STARD13: variants seen among roughly 807,000 people sequenced by gnomAD.
The protein encoded by STARD13 is stAR-related lipid transfer protein 13.
In STARD13, 62 loss-of-function variants were observed where a neutral mutation model predicts 106.4. The observed-to-expected ratio is 0.58, with a 90% confidence interval of 0.48 to 0.72. The LOEUF (loss-of-function observed/expected upper bound fraction) is 0.72. Ranked by LOEUF, STARD13 falls within the 30% of genes least tolerant of loss-of-function variation. STARD13 has a pLI of 0.00. For synonymous variants in STARD13, 565 were observed against 553.0 expected (o/e 1.02, Z -0.31); for missense variants, 1,387 against 1,424.0 (o/e 0.97, Z 0.42).
intron 1 of STARD13, among the ~76,000 whole-genome samples, chr13:33,321,692 G>A (rs919879871): frequency 6.6e-6 from 1 of 152,164 alleles, no homozygotes; most frequent in Non-Finnish European, 1.5e-5. Context: ...ACAGAGCTAG[G>A]AGGTGGTAGC....
the STARD13 span, among the ~76,000 whole-genome samples, chr13:33,380,832 G>T: frequency 6.0e-4 from 92 of 152,228 alleles, 1 homozygote; most frequent in Non-Finnish European, 1.0e-3. Context: ...GGGGAAGGGG[G>T]GTGTGTTCAA....
At chr13:33,626,560 A>G in the STARD13 span, among the ~76,000 whole-genome samples, 1 of 152,250 alleles carries the variant, frequency 6.6e-6, no homozygotes, top group Admixed American at 6.5e-5. Flanking sequence ...AGCTGTTATT[A>G]CATGCATCTC....
At chr13:33,213,896 T>A (rs1403419885) in intron 1 of STARD13, among the ~76,000 whole-genome samples, 1 of 152,212 alleles carries the variant, frequency 6.6e-6, no homozygotes, top group Non-Finnish European at 1.5e-5. Flanking sequence ...CCTGCTTTAA[T>A]TAAGATGCTA....
At chr13:33,661,681 T>C in the STARD13 span, among the ~76,000 whole-genome samples, 1 of 152,204 alleles carries the variant, frequency 6.6e-6, no homozygotes, top group East Asian at 1.9e-4. Flanking sequence ...TCGTGAGAAC[T>C]CACTAATTAT....
In STARD13 at chr13:33,126,068, G is replaced by C. The variant is rs566952942; in HGVS notation, c.2082+13C>G. 1 of 1,612,916 alleles carries C rather than the reference G, an allele frequency of 6.2e-7. No homozygotes were observed. Among genetic ancestry groups the C allele is most frequent in the African/African-American group, 1.3e-5 (1 of 75,036 alleles). On this transcript the variant is annotated intron_variant, in intron 7 of 13. Coordinates refer to ENST00000336934, the MANE Select transcript of STARD13 (RefSeq NM_178006.4). ...GGGGTGGTGGGGCAGCAGCGGGGGG[G>C]TTACAGCCCTACCTGATCGAGGCAG... is the stretch of plus-strand genomic sequence containing the variant.
the STARD13 span, among the ~76,000 whole-genome samples, chr13:33,448,840 T>C: frequency 1.5e-4 from 23 of 152,196 alleles, no homozygotes; most frequent in Non-Finnish European, 2.8e-4. Flanking sequence ...TCCCCGATGA[T>C]TAAAAATGTT....
chr13:33,510,775 G>C, the STARD13 span, among the ~76,000 whole-genome samples: 240 of 152,294 alleles, frequency 1.6e-3, no homozygotes, highest in African/African-American at 5.6e-3. Flanking sequence ...TTAGTAAGCA[G>C]AGAAAATTAT....
chr13:33,475,365 T>G, the STARD13 span, among the ~76,000 whole-genome samples: 1 of 152,202 alleles, frequency 6.6e-6, no homozygotes, highest in Admixed American at 6.5e-5. Context: ...ATTAAACTAT[T>G]GATTTTCTTA....
chr13:33,376,484 C>T, the STARD13 span, among the ~76,000 whole-genome samples: 5 of 152,074 alleles, frequency 3.3e-5, no homozygotes, highest in Non-Finnish European at 7.4e-5. Flanking sequence ...AAGGATTAGC[C>T]AGGCACCTAA....
At chr13:33,471,857 A>G in the STARD13 span, among the ~76,000 whole-genome samples, 1 of 152,182 alleles carries the variant, frequency 6.6e-6, no homozygotes, top group Non-Finnish European at 1.5e-5. Context: ...TATTTCCTAG[A>G]TAGCTGAAAT....
chr13:33,252,519 A>C (rs1222997039), intron 1 of STARD13, among the ~76,000 whole-genome samples: 1 of 151,906 alleles, frequency 6.6e-6, no homozygotes, highest in South Asian at 2.1e-4. Context: ...AGCTTTGAAC[A>C]GTTCTCACTT....
At chr13:33,499,598 T>C in the STARD13 span, among the ~76,000 whole-genome samples, 7 of 57,490 alleles carry the variant, frequency 1.2e-4, no homozygotes, top group Admixed American at 5.8e-4. Context: ...CTTCTTCTTC[T>C]TCTTCTTTCT....
intron 1 of STARD13, among the ~76,000 whole-genome samples, chr13:33,184,819 C>T (rs537375206): frequency 8.3e-4 from 127 of 152,246 alleles, no homozygotes; most frequent in African/African-American, 3.0e-3. Flanking sequence ...TATTATTAAC[C>T]GAAATGAATA....
chr13:33,259,118 T>A (rs1488499099), intron 1 of STARD13, among the ~76,000 whole-genome samples: 1 of 152,084 alleles, frequency 6.6e-6, no homozygotes, highest in Non-Finnish European at 1.5e-5. Context: ...CTCCCTCCCT[T>A]CCTCCCCTGC....
chr13:33,253,364 T>C (rs1890181951), intron 1 of STARD13, among the ~76,000 whole-genome samples: 1 of 152,222 alleles, frequency 6.6e-6, no homozygotes, highest in Non-Finnish European at 1.5e-5. Flanking sequence ...TTTTAAAAGC[T>C]ACATTAAGCC....
intron 4 of STARD13, among the ~76,000 whole-genome samples, 195 bp downstream of exon 4, chr13:33,142,115 A>G (rs1402385629): frequency 6.6e-6 from 1 of 151,700 alleles, no homozygotes; most frequent in Non-Finnish European, 1.5e-5. Flanking sequence ...TGCAGCCTCA[A>G]CCTTCTGGGT....
intron 1 of STARD13, among the ~76,000 whole-genome samples, chr13:33,336,875 T>C (rs1167499765): frequency 6.6e-6 from 1 of 152,166 alleles, no homozygotes. Flanking sequence ...TTATTTTCAA[T>C]TGTCCAGAAA....
chr13:33,190,314 G>A (rs1886150258), intron 1 of STARD13, among the ~76,000 whole-genome samples: 1 of 152,140 alleles, frequency 6.6e-6, no homozygotes, highest in Non-Finnish European at 1.5e-5. Flanking sequence ...TCAGTTACTT[G>A]GGAGGCTGAA....
chr13:33,221,236 TCC>T (rs1020644098), intron 1 of STARD13, among the ~76,000 whole-genome samples: 2 of 152,044 alleles, frequency 1.3e-5, no homozygotes, highest in African/African-American at 4.8e-5. Flanking sequence ...GAACAACAAC[TCC>T]CCCTTTCCCT....
Sources: allele counts gnomAD v4.1 joint callset (sites outside exome capture counted in the v4.1 genomes callset), GRCh38; gene constraint gnomAD v4.1.1; transcripts MANE v1.5; gene names NCBI Gene and HGNC (gene_info 2026-07-23, HGNC 2026-07-21).